KLHL32: variants seen among roughly 807,000 people sequenced by gnomAD.
The protein encoded by KLHL32 is kelch-like protein 32.
KLHL32 carries 35 observed loss-of-function variants against 64.8 expected under a neutral mutation model. The observed-to-expected ratio is 0.54, with a 90% CI of 0.41 to 0.72. The LOEUF is 0.72. Ranked by LOEUF, KLHL32 falls within the 30% of genes least tolerant of loss-of-function variation. The probability of loss-of-function intolerance (pLI) is 0.00; values close to 1 mark genes in which losing one functional copy is unlikely to be tolerated. For missense variants in KLHL32, 589 were observed against 768.5 expected (o/e 0.77, Z 2.76); for synonymous variants, 259 against 281.0 (o/e 0.92, Z 0.78).
chr6:97,126,423 G>A (rs959771285), intron 7 of KLHL32, among the ~76,000 whole-genome samples: 5 of 151,670 alleles, frequency 3.3e-5, no homozygotes, highest in African/African-American at 1.2e-4. Flanking sequence ...ACAGGGCTCA[G>A]TATACACTAC....
At chr6:97,067,008 C>G (rs985111150) in intron 5 of KLHL32, among the ~76,000 whole-genome samples, 12 of 152,204 alleles carry the variant, frequency 7.9e-5, no homozygotes, top group African/African-American at 2.7e-4. Flanking sequence ...TGAAACCGCT[C>G]TCTTCACTAA....
intron 3 of KLHL32, among the ~76,000 whole-genome samples, chr6:97,006,938 T>C (rs1302181275): frequency 6.6e-6 from 1 of 152,152 alleles, no homozygotes; most frequent in Non-Finnish European, 1.5e-5. Context: ...CTTTCATATC[T>C]ACCTTATGGA....
At chr6:96,919,570 C>T in the KLHL32 span, among the ~76,000 whole-genome samples, 3 of 151,976 alleles carry the variant, frequency 2.0e-5, no homozygotes, top group African/African-American at 4.8e-5. Flanking sequence ...TTTAGGATTC[C>T]CACAATATTT....
At chr6:96,935,481 T>A (rs967163963) in intron 1 of KLHL32, among the ~76,000 whole-genome samples, 1 of 152,188 alleles carries the variant, frequency 6.6e-6, no homozygotes, top group African/African-American at 2.4e-5. Flanking sequence ...CTGCCTTTTT[T>A]GTGAAGGAAA....
At chr6:96,939,266 T>C (rs150329344) in intron 1 of KLHL32, among the ~76,000 whole-genome samples, 36 of 152,366 alleles carry the variant, frequency 2.4e-4, no homozygotes, top group Non-Finnish European at 4.3e-4. Flanking sequence ...AATACTGTTT[T>C]ACTCTGTAAA....
intron 1 of KLHL32, among the ~76,000 whole-genome samples, chr6:96,964,587 A>C (rs896243275): frequency 1.3e-5 from 2 of 152,208 alleles, no homozygotes; most frequent in African/African-American, 4.8e-5. Flanking sequence ...CGGGAGGCGG[A>C]GCTTGCAGTG....
intron 3 of KLHL32, among the ~76,000 whole-genome samples, chr6:97,034,421 A>C (rs557135940): frequency 6.6e-6 from 1 of 152,198 alleles, no homozygotes; most frequent in Non-Finnish European, 1.5e-5. Context: ...GTAGCTTTGT[A>C]ATATATTTTG....
intron 3 of KLHL32, among the ~76,000 whole-genome samples, chr6:96,983,291 A>G (rs111569019): frequency 2.0e-5 from 3 of 152,416 alleles, no homozygotes; most frequent in African/African-American, 7.2e-5. Context: ...CCAGTATTTT[A>G]TTGAGGATTT....
chr6:96,976,169 T>A lies in KLHL32; in HGVS notation c.196T>A (p.Tyr66Asn). Residue 66 changes from tyrosine (Y) to asparagine (N), a missense_variant, in exon 3 of 11, where the codon TAT becomes AAT. Physicochemically the swap from Tyr to Asn is moderately radical, Grantham distance 143 (BLOSUM62 -2). Coordinates refer to ENST00000369261, the MANE Select transcript of KLHL32 (RefSeq NM_052904.4). ...HKAVLAACSD[Y>N]FRAMFSLCMV... ...GGCAGTCCTAGCAGCATGCAGTGAC[T>A]ATTTCCGGGTAAGTCAGCATTGTTT... is the stretch of plus-strand genomic sequence containing the variant. 1 of 1,556,408 alleles carries A rather than the reference T, an allele frequency of 6.4e-7. No homozygotes were observed. Among genetic ancestry groups the A allele is most frequent in the Non-Finnish European group, 8.7e-7 (1 of 1,144,160 alleles).
rs546186602 is a variant in KLHL32 at position 97,081,492 on chromosome 6, A to G, written c.412-3634A>G. Among the ~76,000 whole-genome samples the G allele has an allele frequency of 8.0e-4, 122 of 152,360 alleles. 1 individual carries two copies. The highest frequency in any genetic ancestry group is 2.9e-3 in the Admixed American group (44 of 15,310). On this transcript the variant is annotated intron_variant, in intron 5 of 10. Transcript: ENST00000369261. ...CTATTCTCAGTCAGTGAAACCCCAG[A>G]TGCCAGAACATGGAGAATACAGAAA...
At chr6:97,079,022 C>G (rs1409722695) in intron 5 of KLHL32, among the ~76,000 whole-genome samples, 1 of 152,160 alleles carries the variant, frequency 6.6e-6, no homozygotes, top group Non-Finnish European at 1.5e-5. Flanking sequence ...CGTGACATCC[C>G]TAAGCTAGGC....
At position 97,102,631 on chromosome 6, in the gene KLHL32, C is replaced by T. The variant is rs1795872653; in HGVS notation, c.628-11152C>T. Among the ~76,000 whole-genome samples, 3 of 152,076 alleles carry T rather than the reference C, an allele frequency of 2.0e-5. No homozygotes were observed. The South Asian group carries it at 6.2e-4, about 32-fold the overall frequency. On this transcript the variant is annotated intron_variant, in intron 6 of 10. Transcript: ENST00000369261. Reference sequence around the variant, plus strand: ...TGAATATTGTCTTTTGGCTCAGAGACTATGATCAAACCACTGAAGGGAAAT... The same window carrying T: ...TGAATATTGTCTTTTGGCTCAGAGATTATGATCAAACCACTGAAGGGAAAT...
At chr6:97,089,145 G>T (rs1173640971) in intron 6 of KLHL32, among the ~76,000 whole-genome samples, 1 of 152,190 alleles carries the variant, frequency 6.6e-6, no homozygotes, top group Non-Finnish European at 1.5e-5. Flanking sequence ...CCTCTTCCAG[G>T]CCTCCTCCCA....
At chr6:97,019,860 A>G (rs1781747711) in intron 3 of KLHL32, among the ~76,000 whole-genome samples, 1 of 151,862 alleles carries the variant, frequency 6.6e-6, no homozygotes, top group Non-Finnish European at 1.5e-5. Context: ...GCTCACTGCA[A>G]TCTCTGCCTC....
intron 3 of KLHL32, among the ~76,000 whole-genome samples, chr6:97,011,371 C>A (rs1780384339): frequency 6.6e-6 from 1 of 152,036 alleles, no homozygotes; most frequent in Non-Finnish European, 1.5e-5. Context: ...GTGAATTATG[C>A]CCTAATGGTT....
At chr6:97,116,477 A>T (rs1199639634) in intron 7 of KLHL32, among the ~76,000 whole-genome samples, 1 of 152,234 alleles carries the variant, frequency 6.6e-6, no homozygotes, top group Non-Finnish European at 1.5e-5. Flanking sequence ...CCCAATTGAC[A>T]TTCCTTCCAT....
intron 5 of KLHL32, among the ~76,000 whole-genome samples, chr6:97,077,267 A>G (rs1791742411): frequency 6.6e-6 from 1 of 152,244 alleles, no homozygotes; most frequent in African/African-American, 2.4e-5. Flanking sequence ...CAAGCTTTTT[A>G]AAGTCTACTG....
chr6:97,137,218 A>G (rs1277991040), intron 10 of KLHL32, among the ~76,000 whole-genome samples: 1 of 152,230 alleles, frequency 6.6e-6, no homozygotes, highest in Non-Finnish European at 1.5e-5. Flanking sequence ...TAAATGAGTA[A>G]GAATAATCAA....
rs745754187 is a variant in KLHL32, at chr6:97,130,724, A to G, written c.1414-33A>G. The stretch of plus-strand genomic sequence containing the variant: ...CTGTTTTCTGACATGGAGGTCTCCT[A>G]CTAACAGAATACACTTAAATTTCTT... On this transcript the variant is annotated intron_variant, in intron 8 of 10. Transcript: ENST00000369261. 3.6e-5 allele frequency: 57 copies of G among 1,571,840 alleles called. No homozygotes were observed. In the East Asian group the frequency reaches 1.0e-3, roughly 28 times the overall value.
Sources: gnomAD v4.1 joint callset for allele counts (sites outside exome capture counted in the v4.1 genomes callset) on GRCh38, gnomAD v4.1.1 for gene constraint, MANE v1.5 for transcripts, NCBI Gene and HGNC (gene_info 2026-07-23, HGNC 2026-07-21) for gene names.